Variants in SLIT3 observed in about 807,000 individuals in gnomAD.
SLIT3 encodes slit guidance ligand 3.
In SLIT3, 68 loss-of-function variants were observed where a neutral mutation model predicts 184.0. That is an observed-to-expected ratio of 0.37 (90% CI 0.30 to 0.45). The LOEUF is 0.45. SLIT3 is among the 20% of genes least tolerant of loss of function. The pLI is 1.00. For synonymous variants in SLIT3, 831 were observed against 828.6 expected, an observed-to-expected ratio of 1.00 and a Z score of -0.05; for missense variants, 1,707 against 2,026.0, an observed-to-expected ratio of 0.84 and a Z score of 3.02.
intron 4 of SLIT3, among the ~76,000 whole-genome samples, chr5:169,151,333 C>T (rs1305496983): frequency 1.3e-5 from 2 of 152,152 alleles, no homozygotes; most frequent in Non-Finnish European, 2.9e-5. Context: ...GGGATCAAAC[C>T]TCCTGCCCTC....
intron 20 of SLIT3, among the ~76,000 whole-genome samples, chr5:168,739,536 C>T (rs1162220667): frequency 6.6e-6 from 1 of 151,660 alleles, no homozygotes; most frequent in Non-Finnish European, 1.5e-5. Flanking sequence ...GATTCTCCTG[C>T]CTCACCCTCC....
chr5:169,231,222 A>C (rs1764990368), intron 3 of SLIT3, among the ~76,000 whole-genome samples: 1 of 152,144 alleles, frequency 6.6e-6, no homozygotes, highest in African/African-American at 2.4e-5. Flanking sequence ...AATTTTTTGA[A>C]GTATAACACG....
intron 1 of SLIT3, among the ~76,000 whole-genome samples, chr5:169,273,268 A>G (rs1766691099): frequency 6.6e-6 from 1 of 152,318 alleles, no homozygotes; most frequent in African/African-American, 2.4e-5. Context: ...TGATGCTCTC[A>G]AGTACCTCTG....
chr5:168,804,047 C>T (rs568423918), intron 9 of SLIT3, among the ~76,000 whole-genome samples: 1 of 151,750 alleles, frequency 6.6e-6, no homozygotes, highest in Non-Finnish European at 1.5e-5. Context: ...TGGCTCATAC[C>T]TGTAATCCCA....
Position 168,724,494 on chromosome 5 carries a change from G to A in SLIT3, c.2271-10C>T, listed in dbSNP as rs749384570. The A allele has an allele frequency of 5.0e-6, 8 of 1,611,010 alleles. No homozygotes were observed. In the East Asian group the frequency reaches 1.6e-4, roughly 31 times the overall value. On this transcript the variant is annotated splice_polypyrimidine_tract_variant and intron_variant, in intron 20 of 35. Transcript: ENST00000519560. ...GTTTCCTTCCAGGTACCTGAAAGAG[G>A]TGTGGAGAGACAACACCTGAGAAAG... is the stretch of plus-strand genomic sequence containing the variant.
intron 4 of SLIT3, among the ~76,000 whole-genome samples, chr5:169,152,493 T>C (rs917535448): frequency 4.6e-5 from 7 of 152,204 alleles, no homozygotes; most frequent in African/African-American, 1.7e-4. Flanking sequence ...CTTCCAGCTC[T>C]TCGGGGGCAA....
chr5:168,678,322 T>TG (rs1408467360), intron 32 of SLIT3, among the ~76,000 whole-genome samples: 1 of 152,136 alleles, frequency 6.6e-6, no homozygotes, highest in Non-Finnish European at 1.5e-5. Flanking sequence ...CCTCCATTTC[T>TG]ACTTGCCTTA....
intron 4 of SLIT3, among the ~76,000 whole-genome samples, chr5:169,112,036 T>A (rs1405120505): frequency 6.6e-6 from 1 of 151,350 alleles, no homozygotes; most frequent in Non-Finnish European, 1.5e-5. Flanking sequence ...AATGAGGGAG[T>A]TTGAAAGATG....
At chr5:168,690,172 T>A (rs747370798) in intron 29 of SLIT3, among the ~76,000 whole-genome samples, 17 of 151,422 alleles carry the variant, frequency 1.1e-4, no homozygotes, top group Non-Finnish European at 1.5e-4. Flanking sequence ...AGTCTCCCTC[T>A]GTCACCCAGG....
intron 3 of SLIT3, among the ~76,000 whole-genome samples, chr5:169,204,121 G>T (rs554825680): frequency 1.6e-3 from 236 of 152,234 alleles, no homozygotes; most frequent in African/African-American, 5.6e-3. Flanking sequence ...ACAGCCCCCA[G>T]TGTGGTGGGG....
chr5:168,872,467 A>G (rs528682689), intron 5 of SLIT3, among the ~76,000 whole-genome samples: 2 of 152,312 alleles, frequency 1.3e-5, no homozygotes, highest in Admixed American at 1.3e-4. Flanking sequence ...CAAGGTGTTA[A>G]TAGCAAGAGA....
At chr5:168,844,743 A>T (rs915880290) in intron 5 of SLIT3, 88 bp from the exon 6 acceptor site, 6 of 1,218,266 alleles carry the variant, frequency 4.9e-6, no homozygotes, top group African/African-American at 1.5e-5. Context: ...CTGTCCCTCC[A>T]CCCCCTTGCA....
intron 4 of SLIT3, among the ~76,000 whole-genome samples, chr5:169,107,667 A>G (rs778702402): frequency 1.3e-4 from 20 of 152,156 alleles, no homozygotes; most frequent in Non-Finnish European, 2.6e-4. Context: ...GAGCCTTTCA[A>G]TTCTCCTTGT....
intron 4 of SLIT3, among the ~76,000 whole-genome samples, chr5:168,949,420 C>T (rs970178670): frequency 2.6e-5 from 4 of 152,158 alleles, no homozygotes; most frequent in East Asian, 1.9e-4. Context: ...GTCCTGGGAA[C>T]GTATCACAGA....
intron 4 of SLIT3, among the ~76,000 whole-genome samples, chr5:169,157,662 C>T (rs1486625163): frequency 6.6e-6 from 1 of 152,098 alleles, no homozygotes; most frequent in African/African-American, 2.4e-5. Flanking sequence ...AATAGAAAAC[C>T]ACTCATCATG....
At chr5:169,101,050 G>T (rs1759992229) in intron 4 of SLIT3, among the ~76,000 whole-genome samples, 1 of 152,168 alleles carries the variant, frequency 6.6e-6, no homozygotes, top group Non-Finnish European at 1.5e-5. Context: ...CTTTGACAAA[G>T]GAATAGTGAC....
At chr5:168,992,511 C>A (rs942175741) in intron 4 of SLIT3, among the ~76,000 whole-genome samples, 2 of 152,214 alleles carry the variant, frequency 1.3e-5, no homozygotes, top group East Asian at 1.9e-4. Flanking sequence ...GAGCCTCTAC[C>A]TCGGCCAAGG....
intron 10 of SLIT3, chr5:168,791,993 T>C (rs1756391911): frequency 6.6e-6 from 1 of 152,220 alleles, no homozygotes; most frequent in Admixed American, 6.5e-5. Context: ...TGAGAACATT[T>C]GGCAAACTGC....
chr5:169,195,689 G>A (rs757232418), intron 3 of SLIT3, among the ~76,000 whole-genome samples: 2 of 152,092 alleles, frequency 1.3e-5, no homozygotes, highest in Non-Finnish European at 2.9e-5. Context: ...ACCATGCCTG[G>A]CTAATTTTTG....
Sources: gnomAD v4.1 joint callset for allele counts (sites outside exome capture counted in the v4.1 genomes callset) on GRCh38, gnomAD v4.1.1 for gene constraint, MANE v1.5 for transcripts, NCBI Gene and HGNC (gene_info 2026-07-23, HGNC 2026-07-21) for gene names.